TNRC6B: variants seen among roughly 807,000 people sequenced by gnomAD.
TNRC6B encodes trinucleotide repeat containing adaptor 6B.
Under a neutral mutation model 203.6 loss-of-function variants are expected in TNRC6B, and 52 were observed. The ratio of observed to expected loss-of-function variants is 0.26; its 90% confidence interval spans 0.20 to 0.32. The LOEUF is 0.32. Among genes scored for constraint, TNRC6B ranks in the 10% least tolerant of loss-of-function variants. TNRC6B has a pLI of 1.00. For synonymous variants in TNRC6B, 838 were observed against 845.7 expected, an observed-to-expected ratio of 0.99 and a Z score of 0.16; for missense variants, 1,923 against 2,286.2, an observed-to-expected ratio of 0.84 and a Z score of 3.24.
At chr22:40,308,843 G>A (rs1012407375) in intron 16 of TNRC6B, among the ~76,000 whole-genome samples, 194 bp downstream of exon 16, 6 of 152,242 alleles carry the variant, frequency 3.9e-5, no homozygotes, top group African/African-American at 1.4e-4. Context: ...ATTAAAGGGA[G>A]CAGAATTTTT....
chr22:40,204,086 T>C (rs757878989), intron 1 of TNRC6B, among the ~76,000 whole-genome samples: 78 of 152,232 alleles, frequency 5.1e-4, no homozygotes, highest in Non-Finnish European at 9.6e-4. Context: ...CATTTTATAA[T>C]GCAGAGTTTT....
upstream of TNRC6B, among the ~76,000 whole-genome samples, chr22:40,176,424 G>GC (rs748779893): frequency 2.0e-5 from 3 of 152,036 alleles, no homozygotes; most frequent in East Asian, 3.9e-4. Flanking sequence ...ACCGCACCCG[G>GC]CCTCATGCGC....
intron 1 of TNRC6B, among the ~76,000 whole-genome samples, chr22:40,089,149 G>A (rs918551954): frequency 6.6e-6 from 1 of 152,142 alleles, no homozygotes; most frequent in Non-Finnish European, 1.5e-5. Flanking sequence ...TTGAGATCCA[G>A]ATTCCCAACA....
chr22:40,222,289 T>C lies in TNRC6B; in HGVS notation c.6-23726T>C, dbSNP rs2069721308. On this transcript the variant is annotated intron_variant, in intron 1 of 22. Transcript: ENST00000454349. ...CTCTGCGTACCGCTCTACAGAATGC[T>C]GAGGTGTCAGGAATAAAAGGGGCTT... Among the ~76,000 whole-genome samples the C allele has an allele frequency of 2.6e-5, 4 of 152,318 alleles. No homozygotes were observed. The South Asian group carries it at 8.3e-4, about 32-fold the overall frequency.
rs146788634 is a variant in TNRC6B at position 40,146,097 on chromosome 22, G to A, written c.46-10018G>A. ...ACCTAGGGAAATAAATGCTTAGGGA[G>A]TAGTAGGAGAAAGGGAAAGTCGGCA... On this transcript the variant is annotated intron_variant, in intron 3 of 23. Coordinates refer to the TNRC6B transcript ENST00000301923. 7.2e-4 allele frequency among the ~76,000 whole-genome samples: 109 copies of A among 152,342 alleles called. No individual in the cohort carries two copies. The East Asian group carries it at 0.019, about 26-fold the overall frequency.
chr22:40,148,743 G>A (rs2068718851), intron 3 of TNRC6B, among the ~76,000 whole-genome samples: 1 of 152,026 alleles, frequency 6.6e-6, no homozygotes, highest in Admixed American at 6.6e-5. Flanking sequence ...AGTTAAAATG[G>A]GATTATTAGG....
chr22:40,098,686 T>G (rs966568580), intron 1 of TNRC6B, among the ~76,000 whole-genome samples: 1 of 152,166 alleles, frequency 6.6e-6, no homozygotes, highest in Admixed American at 6.5e-5. Context: ...AAAATATTTT[T>G]ACCCATGGTT....
intron 1 of TNRC6B, among the ~76,000 whole-genome samples, chr22:40,051,471 A>C (rs1044569810): frequency 6.6e-6 from 1 of 152,190 alleles, no homozygotes; most frequent in Non-Finnish European, 1.5e-5. Flanking sequence ...TTTCCAGCTG[A>C]GCCTACTTAC....
chr22:40,154,856 AAAAAATATATATATATATATATATAT>A (rs1364713664), intron 3 of TNRC6B, among the ~76,000 whole-genome samples: 1 of 41,478 alleles, frequency 2.4e-5, no homozygotes, highest in Non-Finnish European at 4.2e-5. Flanking sequence ...AAAAAAAAAA[AAAAAATATATATATATATATATATAT>A]ATATATATAT....
chr22:40,176,238 C>G (rs755083015), upstream of TNRC6B, among the ~76,000 whole-genome samples: 4 of 151,532 alleles, frequency 2.6e-5, no homozygotes, highest in Non-Finnish European at 4.4e-5. Flanking sequence ...GATTCTCCTG[C>G]TAAGCTCAGC....
rs187431280 is a variant in TNRC6B at position 40,183,224 on chromosome 22, C to T, written c.5+5084C>T. On this transcript the variant is annotated intron_variant, in intron 1 of 22. Coordinates refer to ENST00000454349, the MANE Select transcript of TNRC6B (RefSeq NM_001162501.2). ...GGAAATGCTATATGTGAGGGCTGGGCACCTAGTCTTGTTGCTTAGTAAGTG... is the reference window on the plus strand; with the variant it reads ...GGAAATGCTATATGTGAGGGCTGGGTACCTAGTCTTGTTGCTTAGTAAGTG... Among the ~76,000 whole-genome samples the T allele has an allele frequency of 2.8e-4, 43 of 152,276 alleles. No individual in the cohort carries two copies. The East Asian group carries it at 7.9e-3, about 28-fold the overall frequency.
chr22:40,256,549 A>G (rs2070280982), intron 3 of TNRC6B, among the ~76,000 whole-genome samples: 1 of 152,220 alleles, frequency 6.6e-6, no homozygotes, highest in South Asian at 2.1e-4. Flanking sequence ...AGACGTGAAA[A>G]TGACAGGAAA....
chr22:40,227,639 C>G lies in TNRC6B; in HGVS notation c.6-18376C>G, dbSNP rs1321738362. 2.6e-5 allele frequency among the ~76,000 whole-genome samples: 4 copies of G among 152,272 alleles called. No homozygotes were observed. The East Asian group carries it at 7.7e-4, about 29-fold the overall frequency. ...GTGTTGGGATTACAGGTGTGAGCCACTGCACCTGGTCCTAAAATTACCTTT... is the reference window on the plus strand; with the variant it reads ...GTGTTGGGATTACAGGTGTGAGCCAGTGCACCTGGTCCTAAAATTACCTTT... On this transcript the variant is annotated intron_variant, in intron 1 of 22. Coordinates refer to ENST00000454349, the MANE Select transcript of TNRC6B (RefSeq NM_001162501.2).
chr22:40,265,002 G>A lies in TNRC6B; in HGVS notation c.772G>A (p.Val258Ile), dbSNP rs1183113085. 6.2e-7 allele frequency: 1 copy of A among 1,613,974 alleles called. No homozygotes were observed. The highest frequency in any genetic ancestry group is 8.5e-7 in the Non-Finnish European group (1 of 1,179,896). The change falls in exon 5 of 23, where the codon GTC (valine) becomes ATC (isoleucine). Residue 258 changes from valine to isoleucine, a missense_variant. This residue lies in a region of TNRC6B where 614 missense variants were observed against 587.7 expected (regional missense o/e 1.04). Transcript: ENST00000454349. ...TTCTGGGAACGAATGTAATCTTGGG[G>A]TCTGGAAATCTGACCCTAAGGCTAA... ...ASSGNECNLG[V>I]WKSDPKAKSV... is the part of the protein sequence containing the mutation.
At chr22:40,260,959 G>A (rs1446503027) in intron 3 of TNRC6B, among the ~76,000 whole-genome samples, 1 of 152,150 alleles carries the variant, frequency 6.6e-6, no homozygotes, top group African/African-American at 2.4e-5. Flanking sequence ...TGTTAGAATT[G>A]GTACCATGTA....
At chr22:40,136,062 A>C (rs2068596484) in intron 3 of TNRC6B, among the ~76,000 whole-genome samples, 1 of 152,188 alleles carries the variant, frequency 6.6e-6, no homozygotes, top group African/African-American at 2.4e-5. Context: ...GGTCAAATGA[A>C]TTGGGAGGCG....
chr22:40,305,546 C>T (rs533230830), intron 15 of TNRC6B, among the ~76,000 whole-genome samples: 2 of 152,330 alleles, frequency 1.3e-5, no homozygotes, highest in African/African-American at 2.4e-5. Context: ...CATCAAAATG[C>T]ATCAGACACA....
chr22:40,183,139 G>A (rs778401832), intron 1 of TNRC6B, among the ~76,000 whole-genome samples: 3 of 152,158 alleles, frequency 2.0e-5, no homozygotes, highest in Admixed American at 6.5e-5. Flanking sequence ...ACTGTGTGAC[G>A]ATGGTAGGCT....
chr22:40,134,351 A>T (rs1332882018), intron 3 of TNRC6B, among the ~76,000 whole-genome samples: 1 of 152,232 alleles, frequency 6.6e-6, no homozygotes, highest in Non-Finnish European at 1.5e-5. Context: ...TGAGAAAAAC[A>T]TCAGACAAAT....
Sources: allele counts gnomAD v4.1 joint callset (sites outside exome capture counted in the v4.1 genomes callset), GRCh38; gene constraint gnomAD v4.1.1; regional missense constraint gnomAD v4.1.1; transcripts MANE v1.5; gene names NCBI Gene and HGNC (gene_info 2026-07-23, HGNC 2026-07-21).